Variants in PDE4D observed in about 807,000 individuals in gnomAD.
PDE4D encodes the protein phosphodiesterase 4D.
In PDE4D, 24 loss-of-function variants were observed where a neutral mutation model predicts 87.4. The observed-to-expected ratio is 0.27, with a 90% CI of 0.20 to 0.39. The LOEUF is 0.39. PDE4D is among the 10% of genes least tolerant of loss of function. The pLI, the probability that PDE4D is intolerant of heterozygous loss-of-function variation, is 1.00. For missense variants in PDE4D, 714 were observed against 1,041.0 expected (o/e 0.69, Z 4.32); for synonymous variants, 384 against 383.2 (o/e 1.00, Z -0.02).
intron 2 of PDE4D, among the ~76,000 whole-genome samples, chr5:60,102,397 A>C (rs772077457): frequency 2.6e-5 from 4 of 152,148 alleles, no homozygotes; most frequent in Non-Finnish European, 5.9e-5. Context: ...AATCTTTCAA[A>C]CATCCTGCCA....
At chr5:60,458,589 A>C (rs1050475121) in intron 1 of PDE4D, among the ~76,000 whole-genome samples, 1 of 152,104 alleles carries the variant, frequency 6.6e-6, no homozygotes, top group Admixed American at 6.6e-5. Context: ...ATAGAAGAGA[A>C]TTAAAATATA....
intron 1 of PDE4D, among the ~76,000 whole-genome samples, chr5:59,541,126 C>T (rs952035206): frequency 1.9e-4 from 29 of 152,226 alleles, no homozygotes; most frequent in African/African-American, 5.3e-4. Flanking sequence ...CAGTTCCCAT[C>T]CTCTACTAGG....
intron 1 of PDE4D, among the ~76,000 whole-genome samples, chr5:59,331,868 C>T (rs1396258021): frequency 1.3e-5 from 2 of 152,210 alleles, no homozygotes; most frequent in African/African-American, 2.4e-5. Context: ...AATTATCCTT[C>T]AACATTCTAA....
chr5:59,116,704 C>T (rs925900731), intron 5 of PDE4D, among the ~76,000 whole-genome samples: 23 of 152,098 alleles, frequency 1.5e-4, no homozygotes, highest in African/African-American at 4.8e-4. Context: ...TAAATGATGA[C>T]GCTGCAGCCA....
chr5:60,357,728 AG>A (rs1336272342), intron 1 of PDE4D, among the ~76,000 whole-genome samples: 1 of 152,214 alleles, frequency 6.6e-6, no homozygotes, highest in Non-Finnish European at 1.5e-5. Context: ...TCATAAGTGA[AG>A]TAGGATCCAT....
intron 1 of PDE4D, among the ~76,000 whole-genome samples, chr5:59,733,217 A>G (rs1757626242): frequency 6.6e-6 from 1 of 152,120 alleles, no homozygotes; most frequent in South Asian, 2.1e-4. Context: ...ATTGGTGGTG[A>G]TATTAAAAAG....
At chr5:59,048,212 A>G (rs1180146997) in intron 5 of PDE4D, among the ~76,000 whole-genome samples, 2 of 152,224 alleles carry the variant, frequency 1.3e-5, no homozygotes, top group African/African-American at 4.8e-5. Context: ...AAGTTACAGG[A>G]CAATTTTTGC....
At chr5:60,147,828 G>C (rs1045498583) in intron 2 of PDE4D, 1 of 454,304 alleles carries the variant, frequency 2.2e-6, no homozygotes, top group Non-Finnish European at 4.4e-6. Flanking sequence ...TCTTCCATAG[G>C]CTGCTTGAGT....
At chr5:59,431,727 C>A (rs757403991) in intron 1 of PDE4D, among the ~76,000 whole-genome samples, 2 of 151,956 alleles carry the variant, frequency 1.3e-5, no homozygotes, top group Non-Finnish European at 2.9e-5. Context: ...ATTTCATCAT[C>A]CAGATATTAA....
chr5:60,124,585 A>G (rs1466051094), intron 2 of PDE4D, among the ~76,000 whole-genome samples: 1 of 152,134 alleles, frequency 6.6e-6, no homozygotes, highest in Non-Finnish European at 1.5e-5. Flanking sequence ...TCCAGTTATT[A>G]CTGTCTCTGT....
chr5:59,044,247 T>C (rs889282131), intron 5 of PDE4D, among the ~76,000 whole-genome samples: 7 of 152,206 alleles, frequency 4.6e-5, no homozygotes, highest in African/African-American at 1.7e-4. Flanking sequence ...TGATTGCCAT[T>C]CTAACTGGTG....
intron 1 of PDE4D, among the ~76,000 whole-genome samples, chr5:59,597,779 A>G (rs1826913003): frequency 6.6e-6 from 1 of 152,178 alleles, no homozygotes; most frequent in South Asian, 2.1e-4. Flanking sequence ...CTTTGCATTC[A>G]AGTGTAGAAT....
At chr5:59,216,157 G>A (rs1751209741) in intron 1 of PDE4D, among the ~76,000 whole-genome samples, 189 bp from the exon 2 acceptor site, 1 of 152,120 alleles carries the variant, frequency 6.6e-6, no homozygotes. Flanking sequence ...TCACATTCTT[G>A]TTCTCCTGGA....
At chr5:59,971,263 C>G (rs1350340962) in intron 3 of PDE4D, among the ~76,000 whole-genome samples, 2 of 149,928 alleles carry the variant, frequency 1.3e-5, no homozygotes, top group African/African-American at 4.9e-5. Flanking sequence ...TGCTAGATGA[C>G]GAGTTAGTGG....
chr5:59,039,135 G>A (rs529785585), intron 5 of PDE4D, 164 bp from the exon 6 acceptor site: 2 of 1,361,332 alleles, frequency 1.5e-6, no homozygotes, highest in South Asian at 1.7e-5. Flanking sequence ...TGCAACGGGG[G>A]CGGAGGCTGT....
chr5:59,054,065 C>T (rs1329825673), intron 5 of PDE4D, among the ~76,000 whole-genome samples: 1 of 152,026 alleles, frequency 6.6e-6, no homozygotes, highest in African/African-American at 2.4e-5. Context: ...GTGCTACATG[C>T]TAATTTCAAT....
chr5:59,904,879 A>G (rs1475509714), intron 3 of PDE4D, among the ~76,000 whole-genome samples: 1 of 152,190 alleles, frequency 6.6e-6, no homozygotes, highest in East Asian at 1.9e-4. Flanking sequence ...TAAATTTCCA[A>G]GTAACTTGGT....
At chr5:59,163,608 C>A (rs1175951201) in intron 5 of PDE4D, among the ~76,000 whole-genome samples, 1 of 152,146 alleles carries the variant, frequency 6.6e-6, no homozygotes, top group Non-Finnish European at 1.5e-5. Context: ...CTGTTGGATA[C>A]CTCTACTTTT....
chr5:60,278,598 TA>T (rs1751593119), intron 1 of PDE4D, among the ~76,000 whole-genome samples: 1 of 152,138 alleles, frequency 6.6e-6, no homozygotes, highest in South Asian at 2.1e-4. Context: ...TTTTCCCATT[TA>T]TTTTTTTTCT....
Sources: gnomAD v4.1 joint callset for allele counts (sites outside exome capture counted in the v4.1 genomes callset) on GRCh38, gnomAD v4.1.1 for gene constraint, MANE v1.5 for transcripts, NCBI Gene and HGNC (gene_info 2026-07-23, HGNC 2026-07-21) for gene names.